The following BRCA1 variants were observed in gnomAD, a reference collection of about 807,000 sequenced individuals.
BRCA1 encodes breast cancer type 1 susceptibility protein.
Under a neutral mutation model 173.7 loss-of-function variants are expected in BRCA1, and 140 were observed. The ratio of observed to expected loss-of-function variants is 0.81; its 90% confidence interval spans 0.70 to 0.93. BRCA1 has a LOEUF of 0.93. Among genes scored for constraint, BRCA1 ranks in the 40% least tolerant of loss-of-function variants. The pLI is 0.00. For missense variants in BRCA1, 1,983 were observed against 2,172.5 expected, an observed-to-expected ratio of 0.91 and a Z score of 1.73; for synonymous variants, 662 against 756.0, an observed-to-expected ratio of 0.88 and a Z score of 2.04.
In BRCA1 at chr17:43,093,735, T is replaced by C. The variant is rs1174268388; in HGVS notation, c.1796A>G (p.Asn599Ser). 6.2e-7 allele frequency: 1 copy of C among 1,614,080 alleles called. No homozygotes were observed. Residue 599 changes from asparagine to serine, a missense_variant, in exon 10 of 23, where the codon AAT (asparagine) becomes AGT (serine). Transcript: ENST00000357654. ...TTTAGGTGCTTTTGAATTGTGGATATTTAATTCGAGTTCCATATTGCTTAT... is the reference window on the plus strand; with the variant it reads ...TTTAGGTGCTTTTGAATTGTGGATACTTAATTCGAGTTCCATATTGCTTAT... ...SSISNMELEL[N>S]IHNSKAPKKN... is the part of the protein sequence containing the mutation.
intron 1 of BRCA1, chr17:43,167,669 A>C (rs571953864): frequency 1.3e-5 from 2 of 152,210 alleles, no homozygotes; most frequent in East Asian, 3.9e-4. Context: ...ATTGGGCATA[A>C]GACAATATGA....
intron 2 of BRCA1, among the ~76,000 whole-genome samples, chr17:43,121,124 C>G (rs1205793611): frequency 6.6e-6 from 1 of 151,636 alleles, no homozygotes; most frequent in Non-Finnish European, 1.5e-5. Context: ...GACTGTAATC[C>G]CAGCACTTTG....
At chr17:43,136,017 G>A (rs189132021) in intron 1 of BRCA1, among the ~76,000 whole-genome samples, 1 of 152,302 alleles carries the variant, frequency 6.6e-6, no homozygotes, top group East Asian at 1.9e-4. Flanking sequence ...GGCTTCGCCG[G>A]GCGCAGGGCT....
At chr17:43,120,843 G>T (rs2055520059) in intron 2 of BRCA1, among the ~76,000 whole-genome samples, 2 of 152,102 alleles carry the variant, frequency 1.3e-5, no homozygotes, top group Non-Finnish European at 2.9e-5. Flanking sequence ...GAGGCGGGTG[G>T]ATCACGAGAT....
intron 4 of BRCA1, 145 bp from the exon 5 acceptor site, chr17:43,105,101 T>C (rs1315642653): frequency 7.3e-6 from 5 of 684,264 alleles, no homozygotes; most frequent in Non-Finnish European, 1.3e-5. Flanking sequence ...CATTGACATC[T>C]GTATAAACCG....
At chr17:43,087,103 G>T (rs1474638316) in intron 11 of BRCA1, among the ~76,000 whole-genome samples, 1 of 152,190 alleles carries the variant, frequency 6.6e-6, no homozygotes, top group African/African-American at 2.4e-5. Context: ...GGCTGGAAGA[G>T]CATAAACTGG....
Position 43,100,678 on chromosome 17 carries a change from A to T in BRCA1, c.442-798T>A, listed in dbSNP as rs1484468743. Among the ~76,000 whole-genome samples, 86 of 36,256 alleles carry T rather than the reference A, an allele frequency of 2.4e-3. 9 individuals carry two copies. In the East Asian group the frequency reaches 0.041, roughly 17 times the overall value. The allele number at this position is 36,256 out of a possible 152,430, so 23.8% of individuals were successfully genotyped here. Reference sequence around the variant, plus strand: ...ATAACATATATATATATATATATATAATATATATATATATATATATATATG... The same window carrying T: ...ATAACATATATATATATATATATATTATATATATATATATATATATATATG... On this transcript the variant is annotated intron_variant, in intron 6 of 22. Transcript: ENST00000357654.
Position 43,100,666 on chromosome 17 carries a change from A to ATGT in BRCA1, c.442-787_442-786insACA, listed in dbSNP as rs1204558486. ...TATAACATATATATAACATATATAT[A>ATGT]TATATATATATAATATATATATATA... On this transcript the variant is annotated intron_variant, in intron 6 of 22. Coordinates refer to ENST00000357654, the MANE Select transcript of BRCA1 (RefSeq NM_007294.4). 8.2e-3 allele frequency among the ~76,000 whole-genome samples: 29 copies of ATGT among 3,538 alleles called. 1 individual carries two copies. Among genetic ancestry groups the ATGT allele is most frequent in the East Asian group, 0.05 (8 of 160 alleles). The allele number at this position is 3,538 out of a possible 152,430, so 2.3% of individuals were successfully genotyped here.
chr17:43,085,908 C>T (rs184853424), intron 11 of BRCA1, among the ~76,000 whole-genome samples: 3 of 152,132 alleles, frequency 2.0e-5, no homozygotes, highest in Admixed American at 6.5e-5. Context: ...TTCTAATGTT[C>T]CTACTACTAC....
At chr17:43,074,780 G>A (rs1174295469) in intron 13 of BRCA1, among the ~76,000 whole-genome samples, 2 of 152,154 alleles carry the variant, frequency 1.3e-5, no homozygotes, top group Admixed American at 1.3e-4. Flanking sequence ...CAGTAGCTGG[G>A]TGTGGTGGCT....
At chr17:43,138,317 G>A (rs2056044694) in intron 1 of BRCA1, 13 of 376,624 alleles carry the variant, frequency 3.5e-5, no homozygotes, top group East Asian at 2.2e-4. Flanking sequence ...CCTGCGGACC[G>A]CTCAGCTTTC....
rs1060502324 is a variant in BRCA1, at chr17:43,092,922, G to A, written c.2609C>T (p.Ala870Val). The A allele has an allele frequency of 1.2e-6, 2 of 1,613,642 alleles. No homozygotes were observed. Among genetic ancestry groups the A allele is most frequent in the Admixed American group, 3.3e-5 (2 of 59,988 alleles). Residue 870 changes from alanine to valine, a missense_variant, in exon 10 of 23, where the codon GCT becomes GTT. Ala to Val is a moderately conservative substitution (Grantham distance 64, BLOSUM62 0). Coordinates refer to ENST00000357654, the MANE Select transcript of BRCA1 (RefSeq NM_007294.4). The stretch of plus-strand genomic sequence containing the variant: ...TGCATTTCCTGGATTTGAAAACGGA[G>A]CAAATGACTGGCGCTTTGAAACCTT... Reference protein sequence around the residue: ...TFKVSKRQSFAPFSNPGNAEE... With the variant: ...TFKVSKRQSFVPFSNPGNAEE...
At chr17:43,046,085 C>A (rs376248126) in intron 22 of BRCA1, among the ~76,000 whole-genome samples, 33 of 152,036 alleles carry the variant, frequency 2.2e-4, no homozygotes, top group African/African-American at 6.3e-4. Flanking sequence ...TCACACCCAG[C>A]TAATTTTTGT....
At chr17:43,139,704 CAGGT>C (rs1163803705) in intron 1 of BRCA1, 2 of 360,312 alleles carry the variant, frequency 5.6e-6, no homozygotes, top group Admixed American at 3.5e-5. Flanking sequence ...CCTTCACCCT[CAGGT>C]AGGGCCCAGT....
chr17:43,129,323 C>G (rs764504945), upstream of BRCA1, among the ~76,000 whole-genome samples: 22 of 152,238 alleles, frequency 1.4e-4, no homozygotes, highest in Non-Finnish European at 3.2e-4. Flanking sequence ...TATGGTCCAG[C>G]TAAGCTAGAA....
intron 11 of BRCA1, among the ~76,000 whole-genome samples, chr17:43,083,182 T>G (rs927040743): frequency 6.6e-6 from 1 of 150,798 alleles, no homozygotes; most frequent in Non-Finnish European, 1.5e-5. Flanking sequence ...TTCTTTCTTT[T>G]TTTTTTTAAG....
intron 3 of BRCA1, among the ~76,000 whole-genome samples, chr17:43,107,950 A>T (rs1437127776): frequency 6.6e-6 from 1 of 152,148 alleles, no homozygotes; most frequent in Non-Finnish European, 1.5e-5. Context: ...ATAAAACATA[A>T]AGGACATAAT....
chr17:43,075,384 T>C (rs917194374), intron 13 of BRCA1, among the ~76,000 whole-genome samples: 1 of 152,150 alleles, frequency 6.6e-6, no homozygotes, highest in Non-Finnish European at 1.5e-5. Context: ...ACCCAGTAAA[T>C]AGTTCCTCTG....
intron 14 of BRCA1, among the ~76,000 whole-genome samples, chr17:43,072,401 C>T (rs962483318): frequency 3.3e-5 from 5 of 151,478 alleles, no homozygotes; most frequent in South Asian, 4.2e-4. Flanking sequence ...AAAAAGAGTA[C>T]GGGTAATATT....
Sources: gnomAD v4.1 joint callset for allele counts (sites outside exome capture counted in the v4.1 genomes callset) on GRCh38, gnomAD v4.1.1 for gene constraint, MANE v1.5 for transcripts, NCBI Gene and HGNC (gene_info 2026-07-23, HGNC 2026-07-21) for gene names.